Variants in FGB observed in about 807,000 individuals in gnomAD.
FGB encodes the protein fibrinogen beta chain.
FGB carries 25 observed loss-of-function variants against 57.9 expected under a neutral mutation model. That is an observed-to-expected ratio of 0.43 (90% CI 0.31 to 0.60). The LOEUF (loss-of-function observed/expected upper bound fraction) is 0.60. FGB is among the 20% of genes least tolerant of loss of function. The pLI is 0.08. For missense variants in FGB, 536 were observed against 598.4 expected (o/e 0.90, Z 1.09); for synonymous variants, 203 against 199.2 (o/e 1.02, Z -0.16).
chr4:154,566,736 G>C, intron 3 of FGB, 64 bp downstream of exon 3: 1 of 1,421,994 alleles, frequency 7.0e-7, no homozygotes, highest in Non-Finnish European at 9.9e-7. Context: ...AGACTGCCAC[G>C]AGAATGCATG....
At position 154,572,386 on chromosome 4, in the gene FGB, C is replaced by T. The variant is rs370220237; in HGVS notation, c.*1736C>T. On this transcript the variant is annotated 3_prime_UTR_variant, in exon 8 of 8. Coordinates refer to ENST00000302068, the MANE Select transcript of FGB (RefSeq NM_005141.5). Reference sequence around the variant, plus strand: ...ATAGGGTTTATTTAGGACTTAAATACAGATGTGGTCCAGTGGCAGTGGGCT... The same window carrying T: ...ATAGGGTTTATTTAGGACTTAAATATAGATGTGGTCCAGTGGCAGTGGGCT... Among the ~76,000 whole-genome samples, 1 of 152,212 alleles carries T rather than the reference C, an allele frequency of 6.6e-6. No individual in the cohort carries two copies. The highest frequency in any genetic ancestry group is 2.4e-5 in the African/African-American group (1 of 41,456).
At chr4:154,563,197 T>C (rs1436047234) in intron 1 of FGB, 65 bp downstream of exon 1, 1 of 705,044 alleles carries the variant, frequency 1.4e-6, no homozygotes, top group African/African-American at 1.8e-5. Flanking sequence ...AACATAATCA[T>C]ATTATGTGCT....
intron 6 of FGB, 30 bp downstream of exon 6, chr4:154,569,337 T>C (rs759391982): frequency 6.2e-7 from 1 of 1,613,638 alleles, no homozygotes; most frequent in Non-Finnish European, 8.5e-7. Flanking sequence ...AATAAAATCA[T>C]TCTATTTGAA....
Position 154,568,485 on chromosome 4 carries a change from G to A in FGB, c.823G>A (p.Glu275Lys), listed in dbSNP as rs1457983098. ...PYRVYCDMNT[E>K]NGGWTVIQNR... ...TAGAGTATACTGTGACATGAATACA[G>A]AAAATGGAGGTAAGCTTTCGACAGT... is the stretch of plus-strand genomic sequence containing the variant. The change falls in exon 5 of 8, where the codon GAA (glutamate) becomes AAA (lysine). Residue 275 changes from glutamate to lysine, a missense_variant. Glu to Lys is a moderately conservative substitution (Grantham distance 56). Transcript: ENST00000302068. The A allele has an allele frequency of 6.6e-7, 1 of 1,516,228 alleles. No individual in the cohort carries two copies. The highest frequency in any genetic ancestry group is 1.4e-5 in the African/African-American group (1 of 73,010). 93.9% of individuals were successfully genotyped at this position (1,516,228 alleles called of 1,614,324 possible).
In FGB at chr4:154,563,260, C is replaced by A. The variant is rs560012191; in HGVS notation, c.114+128C>A. The A allele has an allele frequency of 1.3e-5, 7 of 542,896 alleles. No individual in the cohort carries two copies. The East Asian group carries it at 2.2e-4, about 17-fold the overall frequency. 33.6% of individuals were successfully genotyped at this position (542,896 alleles called of 1,614,324 possible). ...AGTTATGAAATGGAATTGTTAACCTCTGACTTATTGTATTTAAAGAATGTT... is the reference window on the plus strand; with the variant it reads ...AGTTATGAAATGGAATTGTTAACCTATGACTTATTGTATTTAAAGAATGTT... On this transcript the variant is annotated intron_variant, in intron 1 of 7. Transcript: ENST00000302068.
intron 1 of FGB, among the ~76,000 whole-genome samples, chr4:154,564,059 ATCTGGTTAAG>A (rs1192896277): frequency 6.6e-6 from 1 of 152,006 alleles, no homozygotes; most frequent in Non-Finnish European, 1.5e-5. Flanking sequence ...CATATGGTTA[ATCTGGTTAAG>A]TCTGGTTAAT....
In FGB at chr4:154,571,730, C is replaced by T. The variant is rs926163281; in HGVS notation, c.*1080C>T. On this transcript the variant is annotated 3_prime_UTR_variant, in exon 8 of 8. Coordinates refer to ENST00000302068, the MANE Select transcript of FGB (RefSeq NM_005141.5). ...AAAAGTGGTTTTTCTGTTCTTTCTACTTCTCCCCATGAAATGGGCATATCA... is the reference window on the plus strand; with the variant it reads ...AAAAGTGGTTTTTCTGTTCTTTCTATTTCTCCCCATGAAATGGGCATATCA... 2.0e-5 allele frequency among the ~76,000 whole-genome samples: 3 copies of T among 152,122 alleles called. No homozygotes were observed. The highest frequency in any genetic ancestry group is 7.2e-5 in the African/African-American group (3 of 41,422).
Position 154,571,391 on chromosome 4 carries a change from C to T in FGB, c.*741C>T, listed in dbSNP as rs1730419393. On this transcript the variant is annotated 3_prime_UTR_variant, in exon 8 of 8. Transcript: ENST00000302068. ...TGGCAGGTGCCTGTAGTCCCAGCTACCTGTGAGGTGGAGATTGCATTGAGC... is the reference window on the plus strand; with the variant it reads ...TGGCAGGTGCCTGTAGTCCCAGCTATCTGTGAGGTGGAGATTGCATTGAGC... Among the ~76,000 whole-genome samples, 1 of 151,568 alleles carries T rather than the reference C, an allele frequency of 6.6e-6. No individual in the cohort carries two copies.
rs33927322 is a variant in FGB, at chr4:154,568,700, CA to C, written c.832+221del. 0.7 allele frequency among the ~76,000 whole-genome samples: 90,368 copies of C among 129,172 alleles called. 31,595 individuals carry two copies. The highest frequency in any genetic ancestry group is 0.79 in the African/African-American group (26,336 of 33,502). The allele number at this position is 129,172 out of a possible 152,430, so 84.7% of individuals were successfully genotyped here. ...AACTCTACAAAAAAAAAAAAAATAC[CA>C]AAAAAAAAAAAAAATCAGCTGTGTT... On this transcript the variant is annotated intron_variant, in intron 5 of 7. Transcript: ENST00000302068.
chr4:154,566,901 C>T (rs371955302), intron 3 of FGB, among the ~76,000 whole-genome samples: 1 of 152,120 alleles, frequency 6.6e-6, no homozygotes, highest in Non-Finnish European at 1.5e-5. Context: ...ACTATGACTC[C>T]TTATTTTAAG....
At position 154,571,456 on chromosome 4, in the gene FGB, G is replaced by A; in HGVS notation, c.*806G>A. 7.0e-6 allele frequency among the ~76,000 whole-genome samples: 1 copy of A among 142,472 alleles called. No homozygotes were observed. Among genetic ancestry groups the A allele is most frequent in the Non-Finnish European group, 1.5e-5 (1 of 65,730 alleles). The allele number at this position is 142,472 out of a possible 152,430, so 93.5% of individuals were successfully genotyped here. On this transcript the variant is annotated 3_prime_UTR_variant, in exon 8 of 8. Transcript: ENST00000302068. ...TGCACTCCAGCCTGGGCAACAGCGTGAGACTCCACCTCAAAAAAAAAAAAA... is the reference window on the plus strand; with the variant it reads ...TGCACTCCAGCCTGGGCAACAGCGTAAGACTCCACCTCAAAAAAAAAAAAA...
At chr4:154,562,987 T>A (rs1229677688), upstream of FGB, 2 of 1,044,308 alleles carry the variant, frequency 1.9e-6, no homozygotes, top group African/African-American at 3.2e-5. Context: ...CTCAGATATA[T>A]ATAGGATTGA....
rs572344189 is a variant in FGB, at chr4:154,569,265, G to A, written c.916G>A (p.Val306Ile). ...WDPYKQGFGN[V>I]ATNTDGKNYC... Reference sequence around the variant, plus strand: ...TCCATATAAACAGGGATTTGGAAATGTTGCAACCAACACAGATGGGAAGAA... The same window carrying A: ...TCCATATAAACAGGGATTTGGAAATATTGCAACCAACACAGATGGGAAGAA... The change falls in exon 6 of 8, where the codon GTT becomes ATT. Residue 306 changes from valine to isoleucine, a missense_variant. Transcript: ENST00000302068. The A allele has an allele frequency of 1.2e-6, 2 of 1,614,148 alleles. No individual in the cohort carries two copies. Among genetic ancestry groups the A allele is most frequent in the South Asian group, 2.2e-5 (2 of 91,088 alleles).
chr4:154,567,709 G>C lies in FGB; in HGVS notation c.607G>C (p.Glu203Gln). The change falls in exon 4 of 8, where the codon GAA (glutamate) becomes CAA (glutamine). Residue 203 changes from glutamate to glutamine, a missense_variant. Glu to Gln is a conservative substitution (Grantham distance 29, BLOSUM62 2). This residue lies in a region of FGB where 354 missense variants were observed against 383.4 expected (regional missense o/e 0.92). Coordinates refer to ENST00000302068, the MANE Select transcript of FGB (RefSeq NM_005141.5). The part of the protein sequence containing the change: ...TNLRVLRSIL[E>Q]NLRSKIQKLE... ...CCTTCGTGTGCTTCGTTCAATCCTG[G>C]AAAACCTGAGAAGCAAAATACAAAA... 6.2e-7 allele frequency: 1 copy of C among 1,614,034 alleles called. No individual in the cohort carries two copies. The highest frequency in any genetic ancestry group is 8.5e-7 in the Non-Finnish European group (1 of 1,179,950).
chr4:154,564,853 A>C (rs1484486486), intron 1 of FGB, among the ~76,000 whole-genome samples: 1 of 152,192 alleles, frequency 6.6e-6, no homozygotes, highest in Non-Finnish European at 1.5e-5. Context: ...ATAATATTTT[A>C]AGTTAGCAAG....
intron 4 of FGB, 43 bp downstream of exon 4, chr4:154,567,863 C>T: frequency 7.3e-7 from 1 of 1,361,472 alleles, no homozygotes; most frequent in Non-Finnish European, 1.0e-6. Context: ...TCCAGAAGAA[C>T]TCACACACCA....
Position 154,565,874 on chromosome 4 carries a change from C to A in FGB, c.181C>A (p.Pro61Thr). The A allele has an allele frequency of 6.2e-7, 1 of 1,614,150 alleles. No individual in the cohort carries two copies. Among genetic ancestry groups the A allele is most frequent in the Non-Finnish European group, 8.5e-7 (1 of 1,180,012 alleles). The change falls in exon 2 of 8, where the codon CCT (proline) becomes ACT (threonine). Residue 61 changes from proline (P) to threonine (T), a missense_variant. Physicochemically the swap from Pro to Thr is conservative, Grantham distance 38. Coordinates refer to ENST00000302068, the MANE Select transcript of FGB (RefSeq NM_005141.5). ...GAGAGAAGAGGCTCCCAGCCTGAGG[C>A]CTGCCCCACCGCCCATCAGTGGAGG... ...KKREEAPSLR[P>T]APPPISGGGY... is the part of the protein sequence containing the mutation.
At position 154,572,478 on chromosome 4, in the gene FGB, C is replaced by T. The variant is rs1390363994; in HGVS notation, c.*1828C>T. ...TAACATTTCTACTTAGCACTCTCCA[C>T]TTAGCAACCTCCATTTAACCCAAAA... On this transcript the variant is annotated 3_prime_UTR_variant, in exon 8 of 8. Coordinates refer to ENST00000302068, the MANE Select transcript of FGB (RefSeq NM_005141.5). 1.3e-5 allele frequency among the ~76,000 whole-genome samples: 2 copies of T among 152,214 alleles called. No individual in the cohort carries two copies. The highest frequency in any genetic ancestry group is 4.8e-5 in the African/African-American group (2 of 41,452).
At position 154,567,684 on chromosome 4, in the gene FGB, C is replaced by A; in HGVS notation, c.582C>A (p.Asn194Lys). ...CTGTGAATAGCAATATCCCAACTAACCTTCGTGTGCTTCGTTCAATCCTGG... is the reference window on the plus strand; with the variant it reads ...CTGTGAATAGCAATATCCCAACTAAACTTCGTGTGCTTCGTTCAATCCTGG... ...DETVNSNIPT[N>K]LRVLRSILEN... The change falls in exon 4 of 8, where the codon AAC (asparagine) becomes AAA (lysine). Residue 194 changes from asparagine (N) to lysine (K), a missense_variant. Asn to Lys is a moderately conservative substitution (Grantham distance 94, BLOSUM62 0). Coordinates refer to ENST00000302068, the MANE Select transcript of FGB (RefSeq NM_005141.5). The A allele has an allele frequency of 6.2e-7, 1 of 1,613,762 alleles. No homozygotes were observed. Among genetic ancestry groups the A allele is most frequent in the Non-Finnish European group, 8.5e-7 (1 of 1,179,676 alleles).
Sources: allele counts gnomAD v4.1 joint callset (sites outside exome capture counted in the v4.1 genomes callset), GRCh38; gene constraint gnomAD v4.1.1; regional missense constraint gnomAD v4.1.1; transcripts MANE v1.5; gene names NCBI Gene and HGNC (gene_info 2026-07-23, HGNC 2026-07-21).